The following WNK2 variants were observed in gnomAD, a reference collection of about 807,000 sequenced individuals.
WNK2 encodes the protein serine/threonine-protein kinase WNK2.
A neutral mutation model predicts 192.1 loss-of-function variants in WNK2; 67 were observed. That is an observed-to-expected ratio of 0.35 (90% CI 0.29 to 0.43). The LOEUF is 0.43. Ranked by LOEUF, WNK2 falls within the 20% of genes least tolerant of loss-of-function variation. WNK2 has a pLI of 1.00. For missense variants in WNK2, 2,698 were observed against 3,089.7 expected, an observed-to-expected ratio of 0.87 and a Z score of 3.01; for synonymous variants, 1,439 against 1,393.9, an observed-to-expected ratio of 1.03 and a Z score of -0.72.
rs1848972874 is a variant in WNK2, at chr9:93,289,457, C to T, written c.4703C>T (p.Ser1568Phe). The T allele has an allele frequency of 6.2e-7, 1 of 1,612,736 alleles. No individual in the cohort carries two copies. The highest frequency in any genetic ancestry group is 1.3e-5 in the African/African-American group (1 of 75,056). ...CTCTACCAGGAGCACGTGCCCACCT[C>T]CTCAGCCTCAGCTGGGACCCCTGTG... ...TLLYQEHVPT[S>F]SASAGTPVEV... is the part of the protein sequence containing the mutation. Residue 1568 changes from serine to phenylalanine, a missense_variant, in exon 20 of 30, where the codon TCC becomes TTC. Transcript: ENST00000427277.
At chr9:93,269,749 A>C (rs537101196) in intron 19 of WNK2, among the ~76,000 whole-genome samples, 1 of 152,372 alleles carries the variant, frequency 6.6e-6, no homozygotes, top group East Asian at 1.9e-4. Flanking sequence ...AGGGGACAGT[A>C]CGGTTAATAG....
chr9:93,311,613 T>TTGTGTGTG lies in WNK2; in HGVS notation c.6516+3049_6516+3056dup, dbSNP rs71364368. On this transcript the variant is annotated intron_variant, in intron 28 of 29. Coordinates refer to ENST00000427277, the MANE Select transcript of WNK2 (RefSeq NM_006648.4). ...AGATTTCCTTTCTGGGTTTTTTTGT[T>TTGTGTGTG]TGTGTGTGTGTGTGTGTGTGTGTGT... is the stretch of plus-strand genomic sequence containing the variant. 4.8e-3 allele frequency among the ~76,000 whole-genome samples: 695 copies of TTGTGTGTG among 146,036 alleles called. 5 individuals are homozygous for TTGTGTGTG. The highest frequency in any genetic ancestry group is 0.02 in the East Asian group (100 of 4,948).
intron 28 of WNK2, chr9:93,315,342 G>A (rs1854438366): frequency 6.6e-6 from 1 of 152,234 alleles, no homozygotes; most frequent in South Asian, 2.1e-4. Flanking sequence ...TATTTCTGCT[G>A]TTAACCACCC....
chr9:93,246,298 G>C (rs971821619), intron 7 of WNK2, among the ~76,000 whole-genome samples: 1 of 152,122 alleles, frequency 6.6e-6, no homozygotes, highest in Admixed American at 6.5e-5. Flanking sequence ...GCCCAGCCTT[G>C]AGCTGCCGCC....
rs765965659 is a variant in WNK2 at position 93,292,458 on chromosome 9, A to G, written c.5026-33A>G. The G allele has an allele frequency of 6.2e-6, 10 of 1,612,326 alleles. No homozygotes were observed. In the African/African-American group the frequency reaches 8.0e-5, roughly 13 times the overall value. ...GGGTTTGCTCTGTGCTGATGTTCAC[A>G]TGAAACCTCTTCATCTCCGCTTGTT... On this transcript the variant is annotated intron_variant, in intron 22 of 29. Transcript: ENST00000427277.
At chr9:93,246,510 T>C (rs1841725051) in intron 7 of WNK2, among the ~76,000 whole-genome samples, 1 of 152,220 alleles carries the variant, frequency 6.6e-6, no homozygotes, top group Admixed American at 6.5e-5. Flanking sequence ...CACCAACAGC[T>C]CCAATTCCCA....
chr9:93,192,307 G>A (rs537186099), intron 2 of WNK2, among the ~76,000 whole-genome samples: 7 of 151,456 alleles, frequency 4.6e-5, no homozygotes, highest in African/African-American at 1.5e-4. Flanking sequence ...GCGAGACTCC[G>A]TCTCAAGAAA....
chr9:93,298,464 G>A (rs936198801), intron 24 of WNK2, among the ~76,000 whole-genome samples: 11 of 152,320 alleles, frequency 7.2e-5, no homozygotes, highest in African/African-American at 2.4e-4. Flanking sequence ...GGGGCTGGGG[G>A]AGGACGGGAG....
intron 27 of WNK2, 83 bp downstream of exon 27, chr9:93,306,904 C>A: frequency 6.3e-7 from 1 of 1,588,652 alleles, no homozygotes; most frequent in Non-Finnish European, 8.6e-7. Context: ...GTTCCCGCGG[C>A]CGGGCGGGCG....
chr9:93,286,383 C>A (rs968701756), intron 19 of WNK2, among the ~76,000 whole-genome samples: 13 of 152,058 alleles, frequency 8.5e-5, no homozygotes, highest in African/African-American at 2.7e-4. Context: ...AAAGAAGATA[C>A]CCAGATGGCC....
intron 2 of WNK2, among the ~76,000 whole-genome samples, chr9:93,188,682 C>T (rs1278460718): frequency 6.6e-6 from 1 of 152,210 alleles, no homozygotes; most frequent in Non-Finnish European, 1.5e-5. Flanking sequence ...CCCACAGACC[C>T]CTGTACTGTC....
chr9:93,253,056 G>A lies in WNK2; in HGVS notation c.2008G>A (p.Gly670Arg), dbSNP rs1200707158. The change falls in exon 9 of 30, where the codon GGG becomes AGG. Residue 670 changes from glycine to arginine, a missense_variant. Coordinates refer to ENST00000427277, the MANE Select transcript of WNK2 (RefSeq NM_006648.4). Reference protein sequence around the residue: ...PVLPQSLPSLGAYQQPTAAPG... With the variant: ...PVLPQSLPSLRAYQQPTAAPG... Reference sequence around the variant, plus strand: ...CCTGCCGCAGAGCCTGCCCTCGCTGGGGGCCTACCAGCAGCCCACGGCTGC... The same window carrying A: ...CCTGCCGCAGAGCCTGCCCTCGCTGAGGGCCTACCAGCAGCCCACGGCTGC... 1.3e-6 allele frequency: 2 copies of A among 1,504,978 alleles called. No homozygotes were observed. The highest frequency in any genetic ancestry group is 2.2e-5 in the Admixed American group (1 of 44,528). The allele number at this position is 1,504,978 out of a possible 1,614,324, so 93.2% of individuals were successfully genotyped here.
In WNK2 at chr9:93,288,801, T is replaced by G; in HGVS notation, c.4047T>G (p.Tyr1349Ter). 1 of 1,611,342 alleles carries G rather than the reference T, an allele frequency of 6.2e-7. No individual in the cohort carries two copies. Among genetic ancestry groups the G allele is most frequent in the Non-Finnish European group, 8.5e-7 (1 of 1,179,236 alleles). The change falls in exon 20 of 30, where the codon TAT (tyrosine) becomes TAG (stop). Residue 1349 changes from tyrosine to a stop codon, truncating the protein, a stop_gained. Transcript: ENST00000427277. LOFTEE classifies it high-confidence loss of function. ...CATTTCTTCTAGATTCAGCGCCCTA[T>G]AAAGACCAGCTGTCCTCGAAGGAAC... is the stretch of plus-strand genomic sequence containing the variant. ...PPEASQDSAP[Y>*]KDQLSSKEQP...
intron 4 of WNK2, among the ~76,000 whole-genome samples, chr9:93,234,165 T>C (rs1436529805): frequency 6.6e-6 from 1 of 152,168 alleles, no homozygotes; most frequent in East Asian, 1.9e-4. Context: ...GAAGACACTG[T>C]TTTTGCATCT....
chr9:93,273,220 C>T (rs777529997), intron 19 of WNK2, among the ~76,000 whole-genome samples: 40 of 152,234 alleles, frequency 2.6e-4, no homozygotes, highest in East Asian at 3.8e-4. Context: ...TGCAGTGGCA[C>T]GATCTTGGCT....
intron 24 of WNK2, among the ~76,000 whole-genome samples, chr9:93,298,298 T>C (rs1211755272): frequency 2.0e-5 from 3 of 152,220 alleles, no homozygotes; most frequent in African/African-American, 7.2e-5. Flanking sequence ...CAGGGGCTGC[T>C]CAGCGTTGGG....
At chr9:93,319,119 A>G in intron 29 of WNK2, 6 of 1,614,088 alleles carry the variant, frequency 3.7e-6, no homozygotes, top group Non-Finnish European at 5.1e-6. Flanking sequence ...CTTGCCTGTG[A>G]ATCCCTTCCT....
chr9:93,224,898 C>T (rs892488964), intron 2 of WNK2, among the ~76,000 whole-genome samples: 1 of 152,168 alleles, frequency 6.6e-6, no homozygotes, highest in African/African-American at 2.4e-5. Flanking sequence ...GTGCATTCTT[C>T]CTGCCCTGGC....
intron 19 of WNK2, among the ~76,000 whole-genome samples, chr9:93,270,143 G>A (rs994724505): frequency 1.3e-5 from 2 of 152,200 alleles, no homozygotes; most frequent in Non-Finnish European, 2.9e-5. Context: ...TGGTCCTGCT[G>A]AAGCGCTGTA....
Sources: allele counts gnomAD v4.1 joint callset (sites outside exome capture counted in the v4.1 genomes callset), GRCh38; gene constraint gnomAD v4.1.1; transcripts MANE v1.5; gene names NCBI Gene and HGNC (gene_info 2026-07-23, HGNC 2026-07-21).